The following UBE2E1 variants were observed in gnomAD, a reference collection of about 807,000 sequenced individuals.
The protein encoded by UBE2E1 is ubiquitin-conjugating enzyme E2 E1.
In UBE2E1, 6 loss-of-function variants were observed where a neutral mutation model predicts 21.4. The ratio of observed to expected loss-of-function variants is 0.28; its 90% confidence interval spans 0.15 to 0.55. UBE2E1 has a LOEUF of 0.55. Ranked by LOEUF, UBE2E1 falls within the 20% of genes least tolerant of loss-of-function variation. The pLI, the probability that UBE2E1 is intolerant of heterozygous loss-of-function variation, is 0.93. For missense variants in UBE2E1, 142 were observed against 236.5 expected (o/e 0.60, Z 2.62); for synonymous variants, 87 against 82.7 (o/e 1.05, Z -0.28).
chr3:23,832,594 G>A (rs1414036581), intron 3 of UBE2E1, among the ~76,000 whole-genome samples: 2 of 152,176 alleles, frequency 1.3e-5, no homozygotes, highest in African/African-American at 2.4e-5. Flanking sequence ...GCAGTCAGCC[G>A]AGAGAGAATC....
rs1327768573 is a variant in UBE2E1, at chr3:23,821,400, G to T, written c.203+9890G>T. Among the ~76,000 whole-genome samples the T allele has an allele frequency of 3.3e-5, 5 of 152,244 alleles. No individual in the cohort carries two copies. The East Asian group carries it at 9.6e-4, about 29-fold the overall frequency. The stretch of plus-strand genomic sequence containing the variant: ...AGGCCCTGAGGCGGGGACAAGTCAG[G>T]TGATGCTGATTATGTAAACCGTGCT... On this transcript the variant is annotated intron_variant, in intron 3 of 5. Transcript: ENST00000306627.
chr3:23,871,308 C>A (rs1317609469), intron 3 of UBE2E1, among the ~76,000 whole-genome samples: 1 of 65,276 alleles, frequency 1.5e-5, no homozygotes, highest in Non-Finnish European at 2.8e-5. Flanking sequence ...GGCAGAGGAG[C>A]TCCTCACTTC....
intron 3 of UBE2E1, among the ~76,000 whole-genome samples, chr3:23,829,475 AT>A (rs972187879): frequency 1.3e-5 from 2 of 151,898 alleles, no homozygotes; most frequent in Admixed American, 6.6e-5. Context: ...TGTTTTCTAA[AT>A]TTTTTTGGAG....
At chr3:23,847,999 A>G (rs1053422983) in intron 3 of UBE2E1, among the ~76,000 whole-genome samples, 2 of 152,182 alleles carry the variant, frequency 1.3e-5, no homozygotes, top group African/African-American at 4.8e-5. Flanking sequence ...CCTTTTTTAA[A>G]TAAACACAAA....
chr3:23,875,943 T>C (rs1429791107), intron 3 of UBE2E1, among the ~76,000 whole-genome samples: 2 of 152,238 alleles, frequency 1.3e-5, no homozygotes, highest in Non-Finnish European at 2.9e-5. Context: ...CAGCTAATTT[T>C]TGTGTTTTTA....
At chr3:23,875,604 GTGT>G (rs905539843) in intron 3 of UBE2E1, among the ~76,000 whole-genome samples, 3 of 152,346 alleles carry the variant, frequency 2.0e-5, no homozygotes, top group South Asian at 4.1e-4. Flanking sequence ...CATTTCCTCA[GTGT>G]TGTTGTTACA....
At chr3:23,854,551 T>C (rs1700395724) in intron 3 of UBE2E1, among the ~76,000 whole-genome samples, 1 of 152,214 alleles carries the variant, frequency 6.6e-6, no homozygotes, top group African/African-American at 2.4e-5. Flanking sequence ...GGCCAGTTTA[T>C]CTTTTGGCCC....
intron 3 of UBE2E1, among the ~76,000 whole-genome samples, chr3:23,848,341 A>G (rs1700251627): frequency 6.6e-6 from 1 of 152,066 alleles, no homozygotes; most frequent in Non-Finnish European, 1.5e-5. Context: ...TGGTGGCCAC[A>G]TGCTTGTAAT....
At chr3:23,829,616 A>G (rs1699827584) in intron 3 of UBE2E1, among the ~76,000 whole-genome samples, 1 of 152,094 alleles carries the variant, frequency 6.6e-6, no homozygotes, top group Admixed American at 6.6e-5. Context: ...TCTCCTGGAA[A>G]AGTGCTGAAG....
At chr3:23,888,132 A>G in intron 4 of UBE2E1, 3 of 433,840 alleles carry the variant, frequency 6.9e-6, no homozygotes, top group Non-Finnish European at 1.4e-5. Context: ...AAAAAAAGGC[A>G]GGGCAGGTCA....
At chr3:23,874,502 G>T (rs779249673) in intron 3 of UBE2E1, among the ~76,000 whole-genome samples, 2 of 152,152 alleles carry the variant, frequency 1.3e-5, no homozygotes, top group African/African-American at 4.8e-5. Flanking sequence ...TAGCAGTTTT[G>T]TGTATGGTAG....
At position 23,816,120 on chromosome 3, in the gene UBE2E1, T is replaced by C. The variant is rs1699511839; in HGVS notation, c.203+4610T>C. Among the ~76,000 whole-genome samples, 2 of 152,232 alleles carry C rather than the reference T, an allele frequency of 1.3e-5. No homozygotes were observed. The highest frequency in any genetic ancestry group is 2.9e-5 in the Non-Finnish European group (2 of 68,040). ...TGTTTACCAAAAGACTATATCTGGA[T>C]TGTAAAACTGTACTATTGTTATTCC... On this transcript the variant is annotated intron_variant, in intron 3 of 5. Transcript: ENST00000306627. This position sits in a 1 kb window ranked among gnomAD's most constrained non-coding sequence, Gnocchi z 4.8.
At chr3:23,843,733 C>CA (rs1553637860) in intron 3 of UBE2E1, among the ~76,000 whole-genome samples, 1 of 63,424 alleles carries the variant, frequency 1.6e-5, no homozygotes, top group Non-Finnish European at 3.4e-5. Context: ...GCAGTTTGGA[C>CA]AATGACAATC....
At chr3:23,841,907 T>C (rs900870351) in intron 3 of UBE2E1, among the ~76,000 whole-genome samples, 1 of 152,140 alleles carries the variant, frequency 6.6e-6, no homozygotes, top group African/African-American at 2.4e-5. Context: ...AGAGTTCTAT[T>C]AGGAGAGAGA....
intron 3 of UBE2E1, among the ~76,000 whole-genome samples, chr3:23,838,021 G>C (rs1333827445): frequency 6.6e-6 from 1 of 151,664 alleles, no homozygotes; most frequent in Admixed American, 6.6e-5. Context: ...AGCTGGTACA[G>C]GACTTTAAAA....
At chr3:23,845,689 T>C (rs907993567) in intron 3 of UBE2E1, among the ~76,000 whole-genome samples, 1 of 151,916 alleles carries the variant, frequency 6.6e-6, no homozygotes, top group Non-Finnish European at 1.5e-5. Flanking sequence ...GGCAAAGTTA[T>C]TTAGCAGAAG....
rs1304902174 is a variant in UBE2E1 at position 23,863,089 on chromosome 3, C to A, written c.204-24478C>A. Among the ~76,000 whole-genome samples the A allele has an allele frequency of 6.7e-6, 1 of 149,578 alleles. No individual in the cohort carries two copies. The highest frequency in any genetic ancestry group is 1.9e-4 in the East Asian group (1 of 5,148). On this transcript the variant is annotated intron_variant, in intron 3 of 5. Transcript: ENST00000306627. The surrounding 1 kb of genome is among the most constrained non-coding windows in gnomAD (Gnocchi z 4.3). ...AAAAAAAACTATTCCCAGCATTTTG[C>A]TCTCTAGTGGCAACTACTTGTACCT...
intron 5 of UBE2E1, among the ~76,000 whole-genome samples, chr3:23,890,223 A>G (rs190921495): frequency 9.8e-5 from 15 of 152,316 alleles, no homozygotes; most frequent in Admixed American, 8.5e-4. Context: ...AGCCTAACAC[A>G]TAAGAGTAAA....
Position 23,891,238 on chromosome 3 carries a change from T to G in UBE2E1, c.*632T>G, listed in dbSNP as rs1316409082. 2.0e-5 allele frequency: 3 copies of G among 152,258 alleles called. No homozygotes were observed. Among genetic ancestry groups the G allele is most frequent in the Non-Finnish European group, 4.4e-5 (3 of 68,056 alleles). 9.4% of individuals were successfully genotyped at this position (152,258 alleles called of 1,614,324 possible). The stretch of plus-strand genomic sequence containing the variant: ...CGTGGAATAGGAGTTGCTCAGTGGA[T>G]TGGTTCTATGTTGTGGACTACTTAA... On this transcript the variant is annotated 3_prime_UTR_variant, in exon 6 of 6. Transcript: ENST00000306627.
Sources: gnomAD v4.1 joint callset for allele counts (sites outside exome capture counted in the v4.1 genomes callset) on GRCh38, gnomAD v4.1.1 for gene constraint, Gnocchi (gnomAD v3.1) non-coding constraint, MANE v1.5 for transcripts, NCBI Gene and HGNC (gene_info 2026-07-23, HGNC 2026-07-21) for gene names.